Variants in APOL6 observed in about 807,000 individuals in gnomAD.
APOL6 encodes apolipoprotein L6, also known as apolipoprotein L, 6.
APOL6 carries 1 observed loss-of-function variant against 2.4 expected under a neutral mutation model. The ratio of observed to expected loss-of-function variants is 0.41; its 90% CI spans 0.15 to 1.94. The LOEUF is 1.94. APOL6 is among the 30% of genes most tolerant of loss of function. The pLI is 0.30. For synonymous variants in APOL6, 189 were observed against 169.3 expected (o/e 1.12, Z -0.90); for missense variants, 438 against 429.2 (o/e 1.02, Z -0.18).
At position 35,663,573 on chromosome 22, in the gene APOL6, T is replaced by G. The variant is rs1467590321; in HGVS notation, c.*3977T>G. ...TGACTGAATTCTGTTTTCACCGGATTTTTTGACTAAAATAGCTATTGCAAC... is the reference window on the plus strand; with the variant it reads ...TGACTGAATTCTGTTTTCACCGGATGTTTTGACTAAAATAGCTATTGCAAC... On this transcript the variant is annotated 3_prime_UTR_variant, in exon 3 of 3. Coordinates refer to ENST00000409652, the MANE Select transcript of APOL6 (RefSeq NM_030641.4). 1 of 152,066 alleles carries G rather than the reference T, an allele frequency of 6.6e-6. No individual in the cohort carries two copies. The highest frequency in any genetic ancestry group is 1.5e-5 in the Non-Finnish European group (1 of 68,000). 9.4% of individuals were successfully genotyped at this position (152,066 alleles called of 1,614,324 possible).
At chr22:35,654,548 A>T (rs28529217) in intron 1 of APOL6, among the ~76,000 whole-genome samples, 1 of 151,530 alleles carries the variant, frequency 6.6e-6, no homozygotes. Flanking sequence ...CTCTATATAT[A>T]TATATATGTA....
In APOL6 at chr22:35,665,206, A is replaced by T. The variant is rs375572926; in HGVS notation, c.*5610A>T. 50 of 152,242 alleles carry T rather than the reference A, an allele frequency of 3.3e-4. No homozygotes were observed. The highest frequency in any genetic ancestry group is 9.9e-4 in the African/African-American group (41 of 41,554). 9.4% of individuals were successfully genotyped at this position (152,242 alleles called of 1,614,324 possible). A position where few individuals can be genotyped will look rare whatever the true frequency, so the allele number is the denominator to read the frequency against. On this transcript the variant is annotated 3_prime_UTR_variant, in exon 3 of 3. Transcript: ENST00000409652. ...CTTAGGGAAGAAAGAGCTAATTTTT[A>T]AAAAATCAAGGTTATTACATCCATG...
At position 35,659,332 on chromosome 22, in the gene APOL6, G is replaced by C; in HGVS notation, c.768G>C (p.Trp256Cys). The C allele has an allele frequency of 6.2e-7, 1 of 1,614,082 alleles. No individual in the cohort carries two copies. Among genetic ancestry groups the C allele is most frequent in the African/African-American group, 1.3e-5 (1 of 75,038 alleles). ...ACTTGGCCACTCTCTCAAAGGAATG[G>C]AAGCACCTGAAGGAAGGAGCAAGGA... ...GYDLATLSKE[W>C]KHLKEGARTK... Residue 256 changes from tryptophan (W) to cysteine (C), a missense_variant, in exon 3 of 3, where the codon TGG (tryptophan) becomes TGC (cysteine). By Grantham distance (215) the Trp-to-Cys change is radical (BLOSUM62 -2). Coordinates refer to ENST00000409652, the MANE Select transcript of APOL6 (RefSeq NM_030641.4).
chr22:35,650,605 A>G (rs1224547600), intron 1 of APOL6, among the ~76,000 whole-genome samples: 2 of 152,128 alleles, frequency 1.3e-5, no homozygotes, highest in Admixed American at 1.3e-4. Context: ...TGAATGAATG[A>G]ATGAATGGCT....
At chr22:35,648,975 G>A (rs997659920) in intron 1 of APOL6, among the ~76,000 whole-genome samples, 2 of 152,170 alleles carry the variant, frequency 1.3e-5, no homozygotes, top group African/African-American at 2.4e-5. Context: ...AGCCACAGGC[G>A]TTTCCCTAGA....
In APOL6 at chr22:35,659,552, C is replaced by CTGTG; in HGVS notation, c.996_999dup (p.Leu334ValfsTer55). 1.2e-6 allele frequency: 2 copies of CTGTG among 1,613,176 alleles called. No individual in the cohort carries two copies. Among genetic ancestry groups the CTGTG allele is most frequent in the Non-Finnish European group, 1.7e-6 (2 of 1,179,636 alleles). On this transcript the variant is annotated frameshift_variant, in exon 3 of 3. Transcript: ENST00000409652. LOFTEE classifies it low-confidence loss of function (END_TRUNC). ...GGAGCATGTGTGGATGTGGCTGTGG[C>CTGTG]TGTGTGTGTGTCTGTGTGTCTGTGT...
At chr22:35,651,472 G>A (rs533303839) in intron 1 of APOL6, among the ~76,000 whole-genome samples, 25 of 152,226 alleles carry the variant, frequency 1.6e-4, no homozygotes, top group Non-Finnish European at 3.2e-4. Context: ...ATGTATACAT[G>A]TGCCATGTTG....
rs949869636 is a variant in APOL6 at position 35,665,447 on chromosome 22, G to A, written c.*5851G>A. On this transcript the variant is annotated 3_prime_UTR_variant, in exon 3 of 3. Transcript: ENST00000409652. ...CCCAGGGACTATTGCGGAAGAGGTG[G>A]GCGCGTAAGATTGTAAGGGCCGATT... 2.0e-5 allele frequency: 3 copies of A among 152,066 alleles called. No individual in the cohort carries two copies. Among genetic ancestry groups the A allele is most frequent in the African/African-American group, 7.2e-5 (3 of 41,396 alleles). 9.4% of individuals were successfully genotyped at this position (152,066 alleles called of 1,614,324 possible). A position where few individuals can be genotyped will look rare whatever the true frequency, so the allele number is the denominator to read the frequency against.
chr22:35,648,974 C>A (rs1924617865), intron 1 of APOL6, among the ~76,000 whole-genome samples: 1 of 152,142 alleles, frequency 6.6e-6, no homozygotes, highest in African/African-American at 2.4e-5. Context: ...CAGCCACAGG[C>A]GTTTCCCTAG....
In APOL6 at chr22:35,662,060, C is replaced by G. The variant is rs1056591910; in HGVS notation, c.*2464C>G. 1 of 152,070 alleles carries G rather than the reference C, an allele frequency of 6.6e-6. No individual in the cohort carries two copies. The highest frequency in any genetic ancestry group is 2.4e-5 in the African/African-American group (1 of 41,412). The allele number at this position is 152,070 out of a possible 1,614,324, so 9.4% of individuals were successfully genotyped here. A position where few individuals can be genotyped will look rare whatever the true frequency, so the allele number is the denominator to read the frequency against. On this transcript the variant is annotated 3_prime_UTR_variant, in exon 3 of 3. Transcript: ENST00000409652. ...GCAATATGAGTTAATCTTCTCTGAT[C>G]GATGTAGATTCCAGGAAGGGGTGTC... is the stretch of plus-strand genomic sequence containing the variant.
At chr22:35,651,172 G>A (rs898327166) in intron 1 of APOL6, among the ~76,000 whole-genome samples, 1 of 152,136 alleles carries the variant, frequency 6.6e-6, no homozygotes, top group African/African-American at 2.4e-5. Context: ...CTGTCAGAAA[G>A]CACCACAAAC....
At chr22:35,655,319 T>C (rs1052319962) in intron 1 of APOL6, among the ~76,000 whole-genome samples, 4 of 152,146 alleles carry the variant, frequency 2.6e-5, no homozygotes, top group Admixed American at 6.5e-5. Flanking sequence ...TCTTATAATA[T>C]CCATCTAAGG....
Position 35,659,450 on chromosome 22 carries a change from G to C in APOL6, c.886G>C (p.Val296Leu). The C allele has an allele frequency of 6.2e-7, 1 of 1,614,086 alleles. No individual in the cohort carries two copies. Among genetic ancestry groups the C allele is most frequent in the Middle Eastern group, 1.6e-4 (1 of 6,062 alleles). The change falls in exon 3 of 3, where the codon GTG (valine) becomes CTG (leucine). Residue 296 changes from valine (V) to leucine (L), a missense_variant. Transcript: ENST00000409652. ...GCTCTACAAGAGCTTGCAGCAGAAAGTGAGGTCAAGGGCCAGAGGGGTGGG... is the reference window on the plus strand; with the variant it reads ...GCTCTACAAGAGCTTGCAGCAGAAACTGAGGTCAAGGGCCAGAGGGGTGGG... ...TQLYKSLQQK[V>L]RSRARGVGKD... is the part of the protein sequence containing the mutation.
intron 1 of APOL6, among the ~76,000 whole-genome samples, chr22:35,651,910 C>T (rs1924707957): frequency 2.0e-5 from 3 of 152,162 alleles, no homozygotes; most frequent in Admixed American, 1.3e-4. Flanking sequence ...TGAGTATATA[C>T]CCAGTAATGG....
chr22:35,665,733 A>G lies in APOL6; in HGVS notation c.*6137A>G, dbSNP rs1449246067. 6.6e-6 allele frequency: 1 copy of G among 152,230 alleles called. No homozygotes were observed. Among genetic ancestry groups the G allele is most frequent in the Admixed American group, 6.5e-5 (1 of 15,280 alleles). 9.4% of individuals were successfully genotyped at this position (152,230 alleles called of 1,614,324 possible). On this transcript the variant is annotated 3_prime_UTR_variant, in exon 3 of 3. Transcript: ENST00000409652. ...GTTTTTATTAGGGCTTCTTGTTTAG[A>G]AAGTTAAGTCACCTCTCTCAAAGAA...
In APOL6 at chr22:35,660,533, T is replaced by G. The variant is rs1052253984; in HGVS notation, c.*937T>G. On this transcript the variant is annotated 3_prime_UTR_variant, in exon 3 of 3. Coordinates refer to ENST00000409652, the MANE Select transcript of APOL6 (RefSeq NM_030641.4). ...AGATGACTAAGCCAGACAGGTTATGTCACTCGCCAAGTGTCTTAGTCTGTT... is the reference window on the plus strand; with the variant it reads ...AGATGACTAAGCCAGACAGGTTATGGCACTCGCCAAGTGTCTTAGTCTGTT... 17 of 152,284 alleles carry G rather than the reference T, an allele frequency of 1.1e-4. No individual in the cohort carries two copies. The highest frequency in any genetic ancestry group is 1.1e-3 in the Admixed American group (17 of 15,286). The allele number at this position is 152,284 out of a possible 1,614,324, so 9.4% of individuals were successfully genotyped here.
rs1456950880 is a variant in APOL6 at position 35,661,828 on chromosome 22, A to G, written c.*2232A>G. 6.6e-6 allele frequency: 1 copy of G among 152,242 alleles called. No individual in the cohort carries two copies. The highest frequency in any genetic ancestry group is 2.4e-5 in the African/African-American group (1 of 41,458). 9.4% of individuals were successfully genotyped at this position (152,242 alleles called of 1,614,324 possible). ...TTTATAAACACAGCACACTTAGGGT[A>G]CACAAAATGCATATTAAAACATTTT... is the stretch of plus-strand genomic sequence containing the variant. On this transcript the variant is annotated 3_prime_UTR_variant, in exon 3 of 3. Coordinates refer to ENST00000409652, the MANE Select transcript of APOL6 (RefSeq NM_030641.4).
At position 35,659,767 on chromosome 22, in the gene APOL6, G is replaced by A. The variant is rs1924971216; in HGVS notation, c.*171G>A. 1 of 1,095,370 alleles carries A rather than the reference G, an allele frequency of 9.1e-7. No individual in the cohort carries two copies. The highest frequency in any genetic ancestry group is 1.7e-5 in the South Asian group (1 of 58,686). The allele number at this position is 1,095,370 out of a possible 1,614,324, so 67.9% of individuals were successfully genotyped here. A position where few individuals can be genotyped will look rare whatever the true frequency, so the allele number is the denominator to read the frequency against. ...AAGGGTCTTCCCTGTTTGTTTGTTT[G>A]TTTGTTTGTTTGTTTGTTTTGAGAC... On this transcript the variant is annotated 3_prime_UTR_variant, in exon 3 of 3. Coordinates refer to ENST00000409652, the MANE Select transcript of APOL6 (RefSeq NM_030641.4).
In APOL6 at chr22:35,667,647, A is replaced by T. The variant is rs2145964684; in HGVS notation, c.*8051A>T. The T allele has an allele frequency of 6.6e-6, 1 of 152,316 alleles. No individual in the cohort carries two copies. The highest frequency in any genetic ancestry group is 2.4e-5 in the African/African-American group (1 of 41,562). 9.4% of individuals were successfully genotyped at this position (152,316 alleles called of 1,614,324 possible). ...GGGACACAGACATTCAGACTATAGC[A>T]CCAAGCTGTAGAAGCTACATAGTTG... On this transcript the variant is annotated 3_prime_UTR_variant, in exon 3 of 3. Coordinates refer to ENST00000409652, the MANE Select transcript of APOL6 (RefSeq NM_030641.4).
Sources: allele counts gnomAD v4.1 joint callset (sites outside exome capture counted in the v4.1 genomes callset), GRCh38; gene constraint gnomAD v4.1.1; transcripts MANE v1.5; gene names NCBI Gene and HGNC (gene_info 2026-07-23, HGNC 2026-07-21).